The following SSPN variants were observed in gnomAD, a reference collection of about 807,000 sequenced individuals.
SSPN encodes sarcospan.
In SSPN, 15 loss-of-function variants were observed where a neutral mutation model predicts 19.1. The observed-to-expected ratio is 0.78, with a 90% CI of 0.52 to 1.21. The LOEUF (loss-of-function observed/expected upper bound fraction) is 1.21. Among genes scored for constraint, SSPN ranks in the 50% most tolerant of loss-of-function variants. The pLI is 0.00. For synonymous variants in SSPN, 147 were observed against 140.3 expected, an observed-to-expected ratio of 1.05 and a Z score of -0.34; for missense variants, 291 against 314.0, an observed-to-expected ratio of 0.93 and a Z score of 0.55.
At position 26,122,153 on chromosome 12, in the gene SSPN, G is replaced by A. The variant is rs1944311881; in HGVS notation, c.-31+1G>A. Reference sequence around the variant, plus strand: ...GCTCGCGGGGCCCGGCGAAGGGCAGGTGGGTGCGGCCGTGCGGGTGCTGGG... The same window carrying A: ...GCTCGCGGGGCCCGGCGAAGGGCAGATGGGTGCGGCCGTGCGGGTGCTGGG... On this transcript the variant is annotated splice_donor_variant, in intron 1 of 2. Coordinates refer to the SSPN transcript ENST00000538142. LOFTEE classifies it low-confidence loss of function (5UTR_SPLICE). 1 of 1,546,868 alleles carries A rather than the reference G, an allele frequency of 6.5e-7. No homozygotes were observed. Among genetic ancestry groups the A allele is most frequent in the African/African-American group, 1.4e-5 (1 of 72,934 alleles).
At chr12:26,224,030 G>A (rs1195189845) in intron 1 of SSPN, among the ~76,000 whole-genome samples, 1 of 152,112 alleles carries the variant, frequency 6.6e-6, no homozygotes, top group Non-Finnish European at 1.5e-5. Flanking sequence ...TTTATTCATC[G>A]TCATATACTC....
chr12:26,208,291 G>C (rs1385562810), intron 1 of SSPN, among the ~76,000 whole-genome samples: 3 of 152,072 alleles, frequency 2.0e-5, no homozygotes, highest in Non-Finnish European at 4.4e-5. Flanking sequence ...GTAAATCAGA[G>C]TTCTTTACCT....
intron 1 of SSPN, chr12:26,123,869 G>T: frequency 1.3e-6 from 1 of 795,000 alleles, no homozygotes; most frequent in Non-Finnish European, 2.2e-6. Context: ...TTTACTTCTT[G>T]AGCTTTCCAC....
chr12:26,124,253 G>GGGGGGGGGGGGGGGGGGGC, intron 1 of SSPN: 1 of 785,898 alleles, frequency 1.3e-6, no homozygotes, highest in Non-Finnish European at 2.1e-6. Context: ...ACCCTCGTCT[G>GGGGGGGGGGGGGGGGGGGC]CCCCCCCCGC....
At chr12:26,143,513 C>T (rs564673545) in intron 1 of SSPN, among the ~76,000 whole-genome samples, 2 of 152,284 alleles carry the variant, frequency 1.3e-5, no homozygotes, top group African/African-American at 4.8e-5. Context: ...GACAGCCTGC[C>T]TGCAGAGCTG....
chr12:26,230,968 G>A lies in SSPN; in HGVS notation c.624G>A (p.Val208=). The change falls in exon 3 of 3, where the codon GTG becomes GTA. Residue 208 remains valine, a synonymous_variant. Transcript: ENST00000242729. ...QMILNLVCGL[V]CLLACFVMWK... ...TTCTTAATTTGGTCTGCGGCCTTGT[G>A]TGCTTGTTGGCCTGCTTTGTGATGT... 1 of 1,614,192 alleles carries A rather than the reference G, an allele frequency of 6.2e-7. No homozygotes were observed. The highest frequency in any genetic ancestry group is 8.5e-7 in the Non-Finnish European group (1 of 1,180,026).
chr12:26,133,647 G>A (rs1944408808), intron 1 of SSPN, among the ~76,000 whole-genome samples: 1 of 152,190 alleles, frequency 6.6e-6, no homozygotes, highest in Non-Finnish European at 1.5e-5. Flanking sequence ...ATCCCATTGA[G>A]CTCAGCTGCC....
In SSPN at chr12:26,230,862, G is replaced by A. The variant is rs1259123951; in HGVS notation, c.518G>A (p.Ser173Asn). ...AAACTGCCCTCCTCGGAGCCGCTCA[G>A]CAGGACCTTTGTTTACCGGGATGTG... ...QCKLPSSEPL[S>N]RTFVYRDVTD... The change falls in exon 3 of 3, where the codon AGC (serine) becomes AAC (asparagine). Residue 173 changes from serine to asparagine, a missense_variant. Ser to Asn is a conservative substitution (Grantham distance 46). Around this residue, in one of 3 missense-constraint regions of SSPN, gnomAD observed 141 missense variants for 166.7 expected, o/e 0.85. Transcript: ENST00000242729. 1 of 1,614,182 alleles carries A rather than the reference G, an allele frequency of 6.2e-7. No individual in the cohort carries two copies. Among genetic ancestry groups the A allele is most frequent in the East Asian group, 2.2e-5 (1 of 44,884 alleles).
At chr12:26,186,718 G>C (rs1187417393) in intron 1 of SSPN, among the ~76,000 whole-genome samples, 1 of 152,176 alleles carries the variant, frequency 6.6e-6, no homozygotes, top group African/African-American at 2.4e-5. Context: ...ACTTTTAAGA[G>C]ATAGAAATAA....
At chr12:26,159,227 C>T (rs1261771984) in intron 1 of SSPN, among the ~76,000 whole-genome samples, 3 of 152,174 alleles carry the variant, frequency 2.0e-5, no homozygotes. Context: ...TGGGACATGT[C>T]CTGGGCAGAA....
intron 1 of SSPN, among the ~76,000 whole-genome samples, chr12:26,188,112 T>C (rs1321375038): frequency 6.6e-6 from 1 of 152,216 alleles, no homozygotes; most frequent in African/African-American, 2.4e-5. Context: ...GTATTTGTAA[T>C]ATTCACATTT....
In SSPN at chr12:26,231,883, A is replaced by C. The variant is rs903097306; in HGVS notation, c.*807A>C. 1.1e-6 allele frequency: 1 copy of C among 915,936 alleles called. No homozygotes were observed. The highest frequency in any genetic ancestry group is 1.3e-6 in the Non-Finnish European group (1 of 766,638). 56.7% of individuals were successfully genotyped at this position (915,936 alleles called of 1,614,324 possible). ...TTCTAGCTAATTGTTAATTATAATT[A>C]TGCTCAGAAGTCTATTTAATGAGCT... On this transcript the variant is annotated 3_prime_UTR_variant, in exon 3 of 3. Transcript: ENST00000242729.
At chr12:26,147,125 GAAGT>G (rs1402809901) in intron 1 of SSPN, among the ~76,000 whole-genome samples, 1 of 152,176 alleles carries the variant, frequency 6.6e-6, no homozygotes, top group Non-Finnish European at 1.5e-5. Context: ...TGGATGGGTA[GAAGT>G]AAGAGTCTTG....
At chr12:26,206,807 G>A (rs1274110718) in intron 1 of SSPN, among the ~76,000 whole-genome samples, 2 of 152,156 alleles carry the variant, frequency 1.3e-5, no homozygotes, top group Admixed American at 1.3e-4. Flanking sequence ...ACATTCTTTG[G>A]AAATTGATTA....
chr12:26,187,368 C>T (rs1480034), intron 1 of SSPN, among the ~76,000 whole-genome samples: 103,409 of 152,158 alleles, frequency 0.68, 36,568 homozygotes, highest in East Asian at 0.78. Context: ...GGGAGGAAAA[C>T]GTTAGGGAAA....
intron 1 of SSPN, among the ~76,000 whole-genome samples, chr12:26,204,154 G>A (rs1350266148): frequency 6.6e-6 from 1 of 152,020 alleles, no homozygotes; most frequent in Non-Finnish European, 1.5e-5. Context: ...GCTTATTATT[G>A]AAAGCCCTAC....
At position 26,195,939 on chromosome 12, in the gene SSPN, G is replaced by A. The variant is rs1008547519; in HGVS notation, c.267G>A (p.Trp89Ter). ...TGCTAGTCAGGGACACTCCATTTTG[G>A]GCTGGGATCATTGTAAGCATCAAGT... ...SSLLVRDTPF[W>*]AGIIVCLVAY... is the part of the protein sequence containing the mutation. The change falls in exon 1 of 3, where the codon TGG (tryptophan) becomes TGA (stop). Residue 89 changes from tryptophan to a stop codon, truncating the protein, a stop_gained. Coordinates refer to ENST00000242729, the MANE Select transcript of SSPN (RefSeq NM_005086.5). LOFTEE classifies it high-confidence loss of function. The A allele has an allele frequency of 2.0e-6, 3 of 1,523,406 alleles. No individual in the cohort carries two copies. The highest frequency in any genetic ancestry group is 2.6e-6 in the Non-Finnish European group (3 of 1,138,328). 94.4% of individuals were successfully genotyped at this position (1,523,406 alleles called of 1,614,324 possible). A position where few individuals can be genotyped will look rare whatever the true frequency, so the allele number is the denominator to read the frequency against.
intron 1 of SSPN, among the ~76,000 whole-genome samples, chr12:26,148,414 T>C (rs1944505769): frequency 6.6e-6 from 1 of 152,232 alleles, no homozygotes; most frequent in African/African-American, 2.4e-5. Flanking sequence ...TGAATAATCC[T>C]GTTGAATGCT....
chr12:26,174,710 G>A (rs759375408), intron 1 of SSPN, among the ~76,000 whole-genome samples: 2 of 151,894 alleles, frequency 1.3e-5, no homozygotes, highest in South Asian at 2.1e-4. Flanking sequence ...TAGTAGAGAC[G>A]GGGTTTCACC....
Sources: allele counts gnomAD v4.1 joint callset (sites outside exome capture counted in the v4.1 genomes callset), GRCh38; gene constraint gnomAD v4.1.1; regional missense constraint gnomAD v4.1.1; transcripts MANE v1.5; gene names NCBI Gene and HGNC (gene_info 2026-07-23, HGNC 2026-07-21).